The following CACNA2D3 variants were observed in gnomAD, a reference collection of about 807,000 sequenced individuals.
CACNA2D3 encodes the protein calcium voltage-gated channel auxiliary subunit alpha2delta 3, also known as voltage-dependent calcium channel subunit alpha-2/delta-3.
Under a neutral mutation model 160.6 loss-of-function variants are expected in CACNA2D3, and 60 were observed. That is an observed-to-expected ratio of 0.37 (90% CI 0.30 to 0.46). The LOEUF (loss-of-function observed/expected upper bound fraction) is 0.46, where lower values mean the gene tolerates loss of function less well. Ranked by LOEUF, CACNA2D3 falls within the 20% of genes least tolerant of loss-of-function variation. The pLI is 1.00. For synonymous variants in CACNA2D3, 558 were observed against 492.9 expected, an observed-to-expected ratio of 1.13 and a Z score of -1.75; for missense variants, 1,205 against 1,365.0, an observed-to-expected ratio of 0.88 and a Z score of 1.85.
At chr3:54,668,813 C>T (rs1700112294) in intron 11 of CACNA2D3, among the ~76,000 whole-genome samples, 1 of 152,192 alleles carries the variant, frequency 6.6e-6, no homozygotes, top group South Asian at 2.1e-4. Flanking sequence ...GTACAGTGTC[C>T]AGGCATCTAG....
At position 55,023,558 on chromosome 3, in the gene CACNA2D3, A is replaced by G. The variant is rs368802431; in HGVS notation, c.2987+5241A>G. On this transcript the variant is annotated intron_variant, in intron 35 of 37. Transcript: ENST00000474759. ...GAGTATCAATCCTCTTTTTTCTTCT[A>G]TCTGTGTTTTTCCATGTTAGATTAT... Among the ~76,000 whole-genome samples the G allele has an allele frequency of 2.2e-3, 329 of 151,884 alleles. 1 individual carries two copies. Among genetic ancestry groups the G allele is most frequent in the African/African-American group, 7.6e-3 (315 of 41,454 alleles).
intron 2 of CACNA2D3, among the ~76,000 whole-genome samples, chr3:54,195,696 T>C (rs761643003): frequency 6.6e-6 from 1 of 152,078 alleles, no homozygotes. Context: ...GGTGGCAACA[T>C]TTCTTTGGAC....
intron 9 of CACNA2D3, among the ~76,000 whole-genome samples, chr3:54,582,672 C>A (rs1256216710): frequency 6.6e-6 from 1 of 152,184 alleles, no homozygotes; most frequent in Non-Finnish European, 1.5e-5. Flanking sequence ...CACAGAGCTG[C>A]TCTTCCCCTG....
intron 2 of CACNA2D3, among the ~76,000 whole-genome samples, chr3:54,145,591 C>G (rs1373594073): frequency 1.3e-5 from 2 of 152,214 alleles, no homozygotes; most frequent in Non-Finnish European, 2.9e-5. Flanking sequence ...CATGGCATAT[C>G]CCCACATCCT....
At chr3:54,976,067 A>G (rs1158264732) in intron 29 of CACNA2D3, among the ~76,000 whole-genome samples, 1 of 94,662 alleles carries the variant, frequency 1.1e-5, no homozygotes, top group Non-Finnish European at 2.8e-5. Flanking sequence ...ACACACACAC[A>G]CACACACACA....
intron 31 of CACNA2D3, among the ~76,000 whole-genome samples, chr3:54,990,386 C>G (rs1702712766): frequency 1.3e-5 from 2 of 152,144 alleles, no homozygotes; most frequent in Admixed American, 1.3e-4. Context: ...CAAAAATTAG[C>G]TGGGCATGGT....
At chr3:54,246,009 T>C (rs968971061) in intron 2 of CACNA2D3, among the ~76,000 whole-genome samples, 1 of 152,236 alleles carries the variant, frequency 6.6e-6, no homozygotes, top group Admixed American at 6.5e-5. Flanking sequence ...AGCATGTAGC[T>C]ATTACATACT....
intron 31 of CACNA2D3, among the ~76,000 whole-genome samples, chr3:54,997,890 A>G (rs1306310002): frequency 6.6e-6 from 1 of 152,164 alleles, no homozygotes; most frequent in Non-Finnish European, 1.5e-5. Flanking sequence ...GCCTCATCAG[A>G]GGCCCATGAG....
Position 54,932,748 on chromosome 3 carries a change from A to C in CACNA2D3, c.2449+32880A>C, listed in dbSNP as rs867230858. Among the ~76,000 whole-genome samples the C allele has an allele frequency of 5.3e-5, 8 of 152,190 alleles. No homozygotes were observed. The South Asian group carries it at 6.2e-4, about 12-fold the overall frequency. On this transcript the variant is annotated intron_variant, in intron 27 of 37. Transcript: ENST00000474759. ...GGTCTGCCTTGGTAAAGTCATGGCCAAGTGCTCCTCCATCCCTGTCAACAG... is the reference window on the plus strand; with the variant it reads ...GGTCTGCCTTGGTAAAGTCATGGCCCAGTGCTCCTCCATCCCTGTCAACAG...
chr3:54,978,665 A>G (rs1461433947), intron 29 of CACNA2D3, among the ~76,000 whole-genome samples: 1 of 152,252 alleles, frequency 6.6e-6, no homozygotes, highest in Non-Finnish European at 1.5e-5. Flanking sequence ...CTGGGCAACT[A>G]TTGGAACCAA....
chr3:54,636,550 G>A (rs1434205652), intron 10 of CACNA2D3, among the ~76,000 whole-genome samples: 1 of 152,032 alleles, frequency 6.6e-6, no homozygotes, highest in Non-Finnish European at 1.5e-5. Flanking sequence ...GCCTCTAAAA[G>A]TATTAAAGCA....
intron 11 of CACNA2D3, among the ~76,000 whole-genome samples, chr3:54,660,377 G>T (rs2106879509): frequency 6.6e-6 from 1 of 152,148 alleles, no homozygotes; most frequent in Non-Finnish European, 1.5e-5. Flanking sequence ...AGCCAGGGTG[G>T]TCTCGATCTC....
intron 3 of CACNA2D3, among the ~76,000 whole-genome samples, chr3:54,353,576 C>T (rs1698600933): frequency 1.3e-5 from 2 of 152,070 alleles, no homozygotes; most frequent in Admixed American, 6.5e-5. Context: ...TCTAGCATTC[C>T]CACCGCGCCC....
chr3:54,882,894 G>A (rs1699835464), intron 21 of CACNA2D3, among the ~76,000 whole-genome samples: 1 of 152,196 alleles, frequency 6.6e-6, no homozygotes, highest in African/African-American at 2.4e-5. Context: ...AGATTACAAA[G>A]GCGGCAAATA....
At chr3:54,553,722 C>T (rs754701590) in intron 5 of CACNA2D3, among the ~76,000 whole-genome samples, 13 of 152,058 alleles carry the variant, frequency 8.5e-5, no homozygotes, top group South Asian at 2.1e-4. Context: ...TCTGCTAATT[C>T]GGTGGAGAAT....
At chr3:55,034,743 A>G (rs979602481) in intron 35 of CACNA2D3, among the ~76,000 whole-genome samples, 2 of 152,150 alleles carry the variant, frequency 1.3e-5, no homozygotes, top group African/African-American at 4.8e-5. Flanking sequence ...TTTCTGCAAC[A>G]TAATTTCTTA....
At chr3:54,420,148 A>T (rs1438428498) in intron 4 of CACNA2D3, among the ~76,000 whole-genome samples, 1 of 149,900 alleles carries the variant, frequency 6.7e-6, no homozygotes, top group Non-Finnish European at 1.5e-5. Context: ...TGAGTAGTGC[A>T]ATCTCAGCTC....
intron 11 of CACNA2D3, among the ~76,000 whole-genome samples, chr3:54,681,973 C>T (rs957487449): frequency 7.9e-5 from 12 of 152,116 alleles, no homozygotes; most frequent in Admixed American, 6.5e-4. Flanking sequence ...GTTGAGTCAC[C>T]ATGCCCAGCC....
chr3:54,457,959 G>C (rs1447700107), intron 4 of CACNA2D3, among the ~76,000 whole-genome samples: 1 of 151,920 alleles, frequency 6.6e-6, no homozygotes, highest in Admixed American at 6.6e-5. Flanking sequence ...TTTATTTTAA[G>C]TCTTTGGGTC....
Sources: allele counts gnomAD v4.1 joint callset (sites outside exome capture counted in the v4.1 genomes callset), GRCh38; gene constraint gnomAD v4.1.1; transcripts MANE v1.5; gene names NCBI Gene and HGNC (gene_info 2026-07-23, HGNC 2026-07-21).